SGCZ: variants seen among roughly 807,000 people sequenced by gnomAD.
SGCZ encodes the protein zeta-sarcoglycan.
Under a neutral mutation model 41.3 loss-of-function variants are expected in SGCZ, and 40 were observed. The observed-to-expected ratio is 0.97, with a 90% CI of 0.75 to 1.26. SGCZ has a LOEUF of 1.26. SGCZ is among the 50% of genes most tolerant of loss of function. The pLI, the probability that SGCZ is intolerant of heterozygous loss-of-function variation, is 0.00. For synonymous variants in SGCZ, 206 were observed against 137.5 expected (o/e 1.50, Z -3.49); for missense variants, 552 against 369.8 (o/e 1.49, Z -4.04).
chr8:14,947,805 C>T (rs117882034), intron 1 of SGCZ, among the ~76,000 whole-genome samples: 2,264 of 152,208 alleles, frequency 0.015, 20 homozygotes, highest in Middle Eastern at 0.031. Context: ...TGACTGCAAG[C>T]ACAGCATTAA....
chr8:14,375,835 T>G (rs886379548), intron 2 of SGCZ, among the ~76,000 whole-genome samples: 1 of 151,870 alleles, frequency 6.6e-6, no homozygotes, highest in Non-Finnish European at 1.5e-5. Flanking sequence ...AATAAACCAA[T>G]GGAATCCAAA....
intron 2 of SGCZ, among the ~76,000 whole-genome samples, chr8:14,550,767 A>G (rs1334993845): frequency 1.3e-5 from 2 of 152,028 alleles, no homozygotes; most frequent in Non-Finnish European, 2.9e-5. Flanking sequence ...GACATACATC[A>G]TATTGCCATA....
chr8:14,982,316 T>G (rs1186083785), intron 1 of SGCZ, among the ~76,000 whole-genome samples: 6 of 152,216 alleles, frequency 3.9e-5, no homozygotes, highest in African/African-American at 9.6e-5. Flanking sequence ...AGTTCAAAGA[T>G]AGGCCAAGCC....
intron 2 of SGCZ, among the ~76,000 whole-genome samples, chr8:14,545,830 T>G (rs2117163683): frequency 6.6e-6 from 1 of 152,324 alleles, no homozygotes; most frequent in South Asian, 2.1e-4. Flanking sequence ...ATCCTTCTTT[T>G]TCTCTGGCAA....
chr8:15,080,330 TCAATCTGACCTAACCTA>T (rs973123927), intron 1 of SGCZ, among the ~76,000 whole-genome samples: 7 of 152,006 alleles, frequency 4.6e-5, no homozygotes, highest in African/African-American at 1.7e-4. Context: ...ACTCTGTGGG[TCAATCTGACCTAACCTA>T]CATGCACTCA....
At chr8:14,797,083 T>A (rs1273087634) in intron 1 of SGCZ, among the ~76,000 whole-genome samples, 1 of 152,152 alleles carries the variant, frequency 6.6e-6, no homozygotes, top group Non-Finnish European at 1.5e-5. Context: ...GGTAAATTGG[T>A]ACCAGAAGAG....
At chr8:14,176,823 G>T (rs904199701) in intron 4 of SGCZ, among the ~76,000 whole-genome samples, 3 of 152,128 alleles carry the variant, frequency 2.0e-5, no homozygotes, top group Admixed American at 6.5e-5. Context: ...AGTAGACAAA[G>T]AGCCAGAAAA....
intron 4 of SGCZ, among the ~76,000 whole-genome samples, chr8:14,187,161 C>T (rs1187997400): frequency 1.3e-5 from 2 of 152,154 alleles, no homozygotes; most frequent in African/African-American, 4.8e-5. Flanking sequence ...TAAAAACAGA[C>T]TTTAATAAAT....
chr8:14,985,383 A>G (rs752100490), intron 1 of SGCZ, among the ~76,000 whole-genome samples: 19 of 152,270 alleles, frequency 1.2e-4, no homozygotes, highest in South Asian at 4.1e-4. Context: ...AAGGAGAAAG[A>G]AAGGCATTGC....
chr8:14,491,301 G>C (rs1473772400), intron 2 of SGCZ, among the ~76,000 whole-genome samples: 4 of 138,808 alleles, frequency 2.9e-5, no homozygotes, highest in African/African-American at 1.1e-4. Context: ...ACACACTCCA[G>C]TGGATCAACA....
intron 1 of SGCZ, among the ~76,000 whole-genome samples, chr8:15,037,759 T>C (rs1350024524): frequency 1.3e-5 from 2 of 152,114 alleles, no homozygotes; most frequent in Admixed American, 6.5e-5. Flanking sequence ...TGTTTAGAAA[T>C]AATAAACAAA....
intron 1 of SGCZ, among the ~76,000 whole-genome samples, chr8:14,857,834 C>G (rs1223973136): frequency 6.6e-6 from 1 of 152,038 alleles, no homozygotes; most frequent in Non-Finnish European, 1.5e-5. Flanking sequence ...CCAGTGCACT[C>G]CAGCCTGGGT....
At chr8:14,694,704 C>T (rs1316760697) in intron 1 of SGCZ, among the ~76,000 whole-genome samples, 1 of 152,146 alleles carries the variant, frequency 6.6e-6, no homozygotes, top group Non-Finnish European at 1.5e-5. Flanking sequence ...AATAACCTTA[C>T]TGTCATTTCA....
At chr8:15,161,461 T>G (rs944680240) in intron 1 of SGCZ, among the ~76,000 whole-genome samples, 2 of 152,204 alleles carry the variant, frequency 1.3e-5, no homozygotes, top group African/African-American at 4.8e-5. Flanking sequence ...ACCATCAGGA[T>G]GTCTGCTTCA....
chr8:14,531,137 C>G (rs1803117543), intron 2 of SGCZ, among the ~76,000 whole-genome samples: 1 of 152,052 alleles, frequency 6.6e-6, no homozygotes, highest in Non-Finnish European at 1.5e-5. Context: ...TTCACTTCAG[C>G]CCTGCATTGG....
chr8:14,147,456 A>C (rs1208729948), intron 5 of SGCZ, among the ~76,000 whole-genome samples: 1 of 152,200 alleles, frequency 6.6e-6, no homozygotes, highest in Non-Finnish European at 1.5e-5. Flanking sequence ...CAAAAACTAT[A>C]AGAAGCTACA....
At chr8:14,926,711 G>C (rs142050759) in intron 1 of SGCZ, among the ~76,000 whole-genome samples, 152 of 152,110 alleles carry the variant, frequency 1.0e-3, no homozygotes, top group African/African-American at 3.5e-3. Flanking sequence ...CATGATCTCA[G>C]CTCACTGCAA....
intron 2 of SGCZ, among the ~76,000 whole-genome samples, chr8:14,455,455 TAC>T (rs5889534): frequency 0.41 from 59,233 of 143,964 alleles, 12,021 homozygotes; most frequent in East Asian, 0.6. Context: ...TTTGCATGCA[TAC>T]ACACACACAC....
At chr8:15,142,134 A>G (rs1241226693) in intron 1 of SGCZ, among the ~76,000 whole-genome samples, 1 of 152,192 alleles carries the variant, frequency 6.6e-6, no homozygotes, top group Non-Finnish European at 1.5e-5. Context: ...GGACATGTTT[A>G]TTACAAACAC....
Sources: gnomAD v4.1 joint callset for allele counts (sites outside exome capture counted in the v4.1 genomes callset) on GRCh38, gnomAD v4.1.1 for gene constraint, MANE v1.5 for transcripts, NCBI Gene and HGNC (gene_info 2026-07-23, HGNC 2026-07-21) for gene names.